The following PITPNB variants were observed in gnomAD, a reference collection of about 807,000 sequenced individuals.
The protein encoded by PITPNB is phosphatidylinositol transfer protein beta isoform.
A neutral mutation model predicts 45.9 loss-of-function variants in PITPNB; 16 were observed. The ratio of observed to expected loss-of-function variants is 0.35; its 90% CI spans 0.24 to 0.53. The LOEUF is 0.53. Among genes scored for constraint, PITPNB ranks in the 20% least tolerant of loss-of-function variants. PITPNB has a pLI of 0.93. For missense variants in PITPNB, 188 were observed against 330.5 expected, an observed-to-expected ratio of 0.57 and a Z score of 3.34; for synonymous variants, 112 against 108.9, an observed-to-expected ratio of 1.03 and a Z score of -0.18.
chr22:27,895,157 CT>C (rs1277649862), intron 6 of PITPNB, among the ~76,000 whole-genome samples: 1 of 152,198 alleles, frequency 6.6e-6, no homozygotes, highest in Non-Finnish European at 1.5e-5. Flanking sequence ...GAAATGCCAT[CT>C]GTGAACTAAT....
Position 27,919,153 on chromosome 22 carries a change from C to T in PITPNB, c.20+19G>A, listed in dbSNP as rs371897721. ...CACTGCCGTCCCACGGCCTCGCTCG[C>T]GCCCACAGACCCACTCACAATTCCT... On this transcript the variant is annotated intron_variant, in intron 1 of 11. Coordinates refer to ENST00000335272, the MANE Select transcript of PITPNB (RefSeq NM_012399.5). 1.9e-6 allele frequency: 3 copies of T among 1,614,036 alleles called. No individual in the cohort carries two copies. Among genetic ancestry groups the T allele is most frequent in the Non-Finnish European group, 2.5e-6 (3 of 1,179,912 alleles).
chr22:27,859,347 T>A (rs1406295158), intron 9 of PITPNB, among the ~76,000 whole-genome samples: 1 of 152,194 alleles, frequency 6.6e-6, no homozygotes, highest in Non-Finnish European at 1.5e-5. Context: ...TATAAAATAC[T>A]ACAGCAGCTA....
intron 1 of PITPNB, among the ~76,000 whole-genome samples, chr22:27,918,305 G>C (rs1169647600): frequency 1.3e-5 from 2 of 152,124 alleles, no homozygotes; most frequent in Non-Finnish European, 2.9e-5. Context: ...TTAAAATGAA[G>C]AATTTGAAAA....
At chr22:27,900,659 T>C (rs748593087) in intron 3 of PITPNB, among the ~76,000 whole-genome samples, 2 of 152,120 alleles carry the variant, frequency 1.3e-5, no homozygotes, top group Non-Finnish European at 2.9e-5. Flanking sequence ...GCACATGGAG[T>C]AAATAAAATT....
At chr22:27,908,344 T>C (rs1935824039) in intron 3 of PITPNB, among the ~76,000 whole-genome samples, 1 of 149,798 alleles carries the variant, frequency 6.7e-6, no homozygotes, top group Non-Finnish European at 1.5e-5. Context: ...CTTTTTTTTT[T>C]TCTGATTTTT....
chr22:27,912,890 G>A (rs1253467077), intron 2 of PITPNB, among the ~76,000 whole-genome samples: 3 of 150,484 alleles, frequency 2.0e-5, no homozygotes, highest in East Asian at 2.0e-4. Context: ...GCTGAGGCAC[G>A]GAGAATTGCT....
chr22:27,868,822 T>C (rs1934559267), intron 8 of PITPNB, among the ~76,000 whole-genome samples: 2 of 152,284 alleles, frequency 1.3e-5, no homozygotes, highest in Middle Eastern at 3.4e-3. Flanking sequence ...TCAAGCCCTA[T>C]AAGGAAGAGA....
intron 7 of PITPNB, among the ~76,000 whole-genome samples, chr22:27,885,911 C>G (rs997674589): frequency 1.3e-5 from 2 of 152,164 alleles, no homozygotes; most frequent in African/African-American, 4.8e-5. Flanking sequence ...CAGCATCTTG[C>G]TAGGTCCTGG....
At chr22:27,859,556 G>C (rs1041090871) in intron 9 of PITPNB, among the ~76,000 whole-genome samples, 6 of 152,080 alleles carry the variant, frequency 3.9e-5, no homozygotes, top group Admixed American at 6.5e-5. Context: ...CCTCCTCCTA[G>C]ATCTAACTGC....
At chr22:27,871,052 G>T (rs893931067) in intron 8 of PITPNB, among the ~76,000 whole-genome samples, 4 of 151,968 alleles carry the variant, frequency 2.6e-5, no homozygotes, top group Admixed American at 6.6e-5. Context: ...AACACAGGGG[G>T]GAAAATGGAA....
chr22:27,899,957 C>G (rs1935545920), intron 3 of PITPNB, among the ~76,000 whole-genome samples: 1 of 152,110 alleles, frequency 6.6e-6, no homozygotes, highest in Non-Finnish European at 1.5e-5. Flanking sequence ...AATCCCAGCA[C>G]TTTGGGAGGC....
chr22:27,863,632 C>G (rs9625345), intron 8 of PITPNB, among the ~76,000 whole-genome samples: 7,337 of 152,256 alleles, frequency 0.048, 292 homozygotes, highest in South Asian at 0.11. Context: ...TGGACACTTT[C>G]TACTAAATGA....
At chr22:27,896,655 G>A in intron 5 of PITPNB, 29 bp from the exon 6 acceptor site, 3 of 1,472,466 alleles carry the variant, frequency 2.0e-6, no homozygotes, top group Non-Finnish European at 2.9e-6. Flanking sequence ...GAAAATGACA[G>A]TGATCTTCTA....
At chr22:27,867,345 G>C (rs949485790) in intron 8 of PITPNB, among the ~76,000 whole-genome samples, 1 of 152,218 alleles carries the variant, frequency 6.6e-6, no homozygotes, top group Non-Finnish European at 1.5e-5. Context: ...CAAGACTCTA[G>C]TGGCATTCAA....
At chr22:27,912,259 A>C (rs551892496) in intron 2 of PITPNB, among the ~76,000 whole-genome samples, 5 of 152,176 alleles carry the variant, frequency 3.3e-5, no homozygotes, top group Non-Finnish European at 7.4e-5. Context: ...TAAATTTAAA[A>C]ACACACCCAC....
chr22:27,900,582 C>T (rs917846603), intron 3 of PITPNB, among the ~76,000 whole-genome samples: 2 of 151,916 alleles, frequency 1.3e-5, no homozygotes, highest in East Asian at 1.9e-4. Context: ...TTATGTTTAA[C>T]GTGAGAACAT....
chr22:27,888,522 C>G (rs1371820065), intron 7 of PITPNB, among the ~76,000 whole-genome samples: 1 of 152,198 alleles, frequency 6.6e-6, no homozygotes, highest in Non-Finnish European at 1.5e-5. Context: ...AGTACAAACT[C>G]TTGGCTCATA....
At chr22:27,918,069 G>A (rs1006092131) in intron 1 of PITPNB, among the ~76,000 whole-genome samples, 1 of 152,146 alleles carries the variant, frequency 6.6e-6, no homozygotes, top group African/African-American at 2.4e-5. Context: ...TGCGAAGATG[G>A]AATGGGCAAG....
intron 7 of PITPNB, among the ~76,000 whole-genome samples, chr22:27,886,605 A>G (rs1935128779): frequency 6.6e-6 from 1 of 152,224 alleles, no homozygotes; most frequent in Non-Finnish European, 1.5e-5. Context: ...AATCTACAAG[A>G]GTGGTATACA....
Sources: gnomAD v4.1 joint callset for allele counts (sites outside exome capture counted in the v4.1 genomes callset) on GRCh38, gnomAD v4.1.1 for gene constraint, MANE v1.5 for transcripts, NCBI Gene and HGNC (gene_info 2026-07-23, HGNC 2026-07-21) for gene names.